LTBP3: variants seen among roughly 807,000 people sequenced by gnomAD.
The protein encoded by LTBP3 is latent-transforming growth factor beta-binding protein 3.
Under a neutral mutation model 159.7 loss-of-function variants are expected in LTBP3, and 97 were observed. The ratio of observed to expected loss-of-function variants is 0.61; its 90% CI spans 0.52 to 0.72. LTBP3 has a LOEUF of 0.72. LTBP3 is among the 30% of genes least tolerant of loss of function. The pLI is 0.00. For missense variants in LTBP3, 1,584 were observed against 1,864.3 expected (o/e 0.85, Z 2.77); for synonymous variants, 824 against 777.1 (o/e 1.06, Z -1.00).
In LTBP3 at chr11:65,552,006, C is replaced by G; in HGVS notation, c.1497G>C (p.Gln499His). Residue 499 changes from glutamine (Q) to histidine (H), a missense_variant, in exon 8 of 28, where the codon CAG becomes CAC. Physicochemically the swap from Gln to His is conservative, Grantham distance 24 (BLOSUM62 0). Transcript: ENST00000301873. The surrounding 1 kb of genome is among the most constrained non-coding windows in gnomAD (Gnocchi z 6.0). ...CCTCTGTGTCCTCAGGTGGTGGAGCCTGGCTAGGGCTCTCCGGAAGCTGCT... is the reference window on the plus strand; with the variant it reads ...CCTCTGTGTCCTCAGGTGGTGGAGCGTGGCTAGGGCTCTCCGGAAGCTGCT... Reference protein sequence around the residue: ...KPQQLPESPSQAPPPEDTEEE... With the variant: ...KPQQLPESPSHAPPPEDTEEE... 6.2e-7 allele frequency: 1 copy of G among 1,614,012 alleles called. No homozygotes were observed. The highest frequency in any genetic ancestry group is 1.1e-5 in the South Asian group (1 of 91,082).
chr11:65,548,401 C>T (rs1590775755), intron 11 of LTBP3: 1 of 540,732 alleles, frequency 1.8e-6, no homozygotes, highest in East Asian at 3.2e-5. Flanking sequence ...ACTCCTTTCT[C>T]CCCAGTCGCC....
Position 65,553,968 on chromosome 11 carries a change from C to T in LTBP3, c.662-65G>A. On this transcript the variant is annotated intron_variant, in intron 2 of 27. Coordinates refer to ENST00000301873, the MANE Select transcript of LTBP3 (RefSeq NM_001130144.3). This position sits in a 1 kb window ranked among gnomAD's most constrained non-coding sequence, Gnocchi z 6.5. ...CGCCGCGGGTCACCGCGCTGAGCTC[C>T]TCCAGGGCTGAACCTGCCCTGCCCT... The T allele has an allele frequency of 1.9e-6, 3 of 1,562,792 alleles. No individual in the cohort carries two copies. Among genetic ancestry groups the T allele is most frequent in the South Asian group, 1.1e-5 (1 of 88,540 alleles).
rs1266900411 is a variant in LTBP3 at position 65,553,063 on chromosome 11, C to A, written c.1064-81G>T. The A allele has an allele frequency of 1.2e-6, 2 of 1,604,154 alleles. No individual in the cohort carries two copies. Among genetic ancestry groups the A allele is most frequent in the African/African-American group, 1.3e-5 (1 of 74,690 alleles). On this transcript the variant is annotated intron_variant, in intron 5 of 27. Transcript: ENST00000301873. The surrounding 1 kb of genome is among the most constrained non-coding windows in gnomAD (Gnocchi z 6.5). ...CTGCTCCAAGAACCTCAGGGTCTTG[C>A]CCCAGCCCCACCTCCTCTCTCGCCC...
chr11:65,551,270 C>T, intron 10 of LTBP3, 46 bp from the exon 11 acceptor site: 2 of 1,523,658 alleles, frequency 1.3e-6, no homozygotes, highest in Non-Finnish European at 1.8e-6. Flanking sequence ...TTGACTGAAG[C>T]CTCCCTTTCC....
intron 11 of LTBP3, among the ~76,000 whole-genome samples, chr11:65,550,073 C>G (rs868710425): frequency 6.6e-6 from 1 of 152,032 alleles, no homozygotes; most frequent in Non-Finnish European, 1.5e-5. Flanking sequence ...GGCAACAAGC[C>G]GATCAATAAG....
chr11:65,558,085 A>C lies in LTBP3; in HGVS notation c.-126T>G, dbSNP rs536969884. Reference sequence around the variant, plus strand: ...GGGCAGCGAGGGAGGGCAGCGGGGGAAGCGGGCGGGAGGGGACCGCGGGGG... The same window carrying C: ...GGGCAGCGAGGGAGGGCAGCGGGGGCAGCGGGCGGGAGGGGACCGCGGGGG... On this transcript the variant is annotated 5_prime_UTR_variant, in exon 1 of 28. Coordinates refer to ENST00000301873, the MANE Select transcript of LTBP3 (RefSeq NM_001130144.3). 49 of 1,068,070 alleles carry C rather than the reference A, an allele frequency of 4.6e-5. No individual in the cohort carries two copies. The East Asian group carries it at 2.2e-3, about 48-fold the overall frequency. 66.2% of individuals were successfully genotyped at this position (1,068,070 alleles called of 1,614,324 possible). A position where few individuals can be genotyped will look rare whatever the true frequency, so the allele number is the denominator to read the frequency against.
At position 65,540,632 on chromosome 11, in the gene LTBP3, C is replaced by G. The variant is rs773382024; in HGVS notation, c.2978-18G>C. 6.3e-7 allele frequency: 1 copy of G among 1,590,644 alleles called. No homozygotes were observed. The highest frequency in any genetic ancestry group is 1.7e-5 in the Admixed American group (1 of 58,864). ...GTCGATGTCTGCGGGGTGACAAACACTGGCCGCTCCGGTCCCGCAGCTGCA... is the reference window on the plus strand; with the variant it reads ...GTCGATGTCTGCGGGGTGACAAACAGTGGCCGCTCCGGTCCCGCAGCTGCA... On this transcript the variant is annotated intron_variant, in intron 21 of 27. Transcript: ENST00000301873.
Position 65,543,184 on chromosome 11 carries a change from A to G in LTBP3, c.2517T>C (p.Gly839=), listed in dbSNP as rs774525843. ...AGGAGCCATTGGTATTGATGCAGTC[A>G]CCCCCAATGCAGGCTGCAGGGAAGT... The part of the protein sequence containing the change: ...ECDFPAACIG[G]DCINTNGSYR... The change falls in exon 18 of 28, where the codon GGT becomes GGC. Residue 839 remains glycine, a synonymous_variant. Transcript: ENST00000301873. 6.2e-7 allele frequency: 1 copy of G among 1,613,898 alleles called. No homozygotes were observed. Among genetic ancestry groups the G allele is most frequent in the East Asian group, 2.2e-5 (1 of 44,894 alleles).
chr11:65,542,925 G>A, intron 18 of LTBP3, 180 bp downstream of exon 18: 1 of 863,298 alleles, frequency 1.2e-6, no homozygotes, highest in South Asian at 1.5e-5. Context: ...AGGATGGATG[G>A]ATAGAAGGAT....
chr11:65,551,597 T>C, intron 8 of LTBP3, 33 bp from the exon 9 acceptor site: 1 of 1,613,602 alleles, frequency 6.2e-7, no homozygotes, highest in Non-Finnish European at 8.5e-7. Context: ...CATGAAGTGT[T>C]GGGGCGGGAG....
At position 65,546,764 on chromosome 11, in the gene LTBP3, G is replaced by A. The variant is rs1435392433; in HGVS notation, c.2230+34C>T. 6.3e-7 allele frequency: 1 copy of A among 1,585,056 alleles called. No individual in the cohort carries two copies. The highest frequency in any genetic ancestry group is 1.7e-5 in the Admixed American group (1 of 59,434). Reference sequence around the variant, plus strand: ...GCCAGACTGGGGGAGGCACCTGACGGCCCCACCCACTCGGCTCCGGGCCCC... The same window carrying A: ...GCCAGACTGGGGGAGGCACCTGACGACCCCACCCACTCGGCTCCGGGCCCC... On this transcript the variant is annotated intron_variant, in intron 15 of 27. Coordinates refer to ENST00000301873, the MANE Select transcript of LTBP3 (RefSeq NM_001130144.3). The surrounding 1 kb of genome is among the most constrained non-coding windows in gnomAD (Gnocchi z 4.0).
Position 65,547,634 on chromosome 11 carries a change from C to A in LTBP3, c.1978+56G>T. On this transcript the variant is annotated intron_variant, in intron 13 of 27. Coordinates refer to ENST00000301873, the MANE Select transcript of LTBP3 (RefSeq NM_001130144.3). The surrounding 1 kb of genome is among the most constrained non-coding windows in gnomAD (Gnocchi z 4.6). The stretch of plus-strand genomic sequence containing the variant: ...GCGGGCAAGGGGAGGGATTACACGG[C>A]GGTCTGGAGGAGAGCCCGTCCCACC... 3 of 1,608,710 alleles carry A rather than the reference C, an allele frequency of 1.9e-6. No individual in the cohort carries two copies. Among genetic ancestry groups the A allele is most frequent in the Non-Finnish European group, 1.7e-6 (2 of 1,178,360 alleles).
Position 65,553,658 on chromosome 11 carries a change from C to T in LTBP3, c.864+43G>A. On this transcript the variant is annotated intron_variant, in intron 3 of 27. Coordinates refer to ENST00000301873, the MANE Select transcript of LTBP3 (RefSeq NM_001130144.3). This position sits in a 1 kb window ranked among gnomAD's most constrained non-coding sequence, Gnocchi z 6.5. ...TCCGAGTGAGTTGGGGCAGAGCAAC[C>T]CTGAGAGAAGGAAAGGCAGATCCCG... 6.5e-6 allele frequency: 10 copies of T among 1,548,346 alleles called. No homozygotes were observed. Among genetic ancestry groups the T allele is most frequent in the Non-Finnish European group, 8.7e-6 (10 of 1,150,434 alleles).
At position 65,542,968 on chromosome 11, in the gene LTBP3, G is replaced by A. The variant is rs1783211; in HGVS notation, c.2596+137C>T. 5 of 1,098,058 alleles carry A rather than the reference G, an allele frequency of 4.6e-6. No individual in the cohort carries two copies. In the African/African-American group the frequency reaches 1.1e-4, roughly 23 times the overall value. 68.0% of individuals were successfully genotyped at this position (1,098,058 alleles called of 1,614,324 possible). On this transcript the variant is annotated intron_variant, in intron 18 of 27. Transcript: ENST00000301873. ...TGGATGGATGGATGGATGGATGGAT[G>A]GATGGATAGATGGATGGATGGATGG...
Position 65,542,972 on chromosome 11 carries a change from GGATA to G in LTBP3, c.2596+129_2596+132del, listed in dbSNP as rs1256061317. On this transcript the variant is annotated intron_variant, in intron 18 of 27. Transcript: ENST00000301873. Reference sequence around the variant, plus strand: ...TGGATGGATGGATGGATGGATGGATGGATAGATGGATGGATGGATGGATGAAGGA... The same window carrying G: ...TGGATGGATGGATGGATGGATGGATGGATGGATGGATGGATGGATGAAGGA... The G allele has an allele frequency of 4.2e-4, 459 of 1,088,804 alleles. 2 individuals carry two copies. Among genetic ancestry groups the G allele is most frequent in the East Asian group, 4.1e-3 (162 of 39,350 alleles). 67.4% of individuals were successfully genotyped at this position (1,088,804 alleles called of 1,614,324 possible).
Position 65,543,150 on chromosome 11 carries a change from G to A in LTBP3, c.2551C>T (p.Leu851Phe), listed in dbSNP as rs1253551881. 8 of 1,614,162 alleles carry A rather than the reference G, an allele frequency of 5.0e-6. No individual in the cohort carries two copies. The South Asian group carries it at 8.8e-5, about 18-fold the overall frequency. Residue 851 changes from leucine (L) to phenylalanine (F), a missense_variant, in exon 18 of 28, where the codon CTT (leucine) becomes TTT (phenylalanine). By Grantham distance (22) the Leu-to-Phe change is conservative. Around this residue, in one of 6 missense-constraint regions of LTBP3, gnomAD observed 565 missense variants for 677.7 expected, o/e 0.83. Transcript: ENST00000301873. Reference protein sequence around the residue: ...CINTNGSYRCLCPQGHRLVGG... With the variant: ...CINTNGSYRCFCPQGHRLVGG... Reference sequence around the variant, plus strand: ...ACCAGCCGATGCCCCTGGGGGCAAAGACATCTGTAGGAGCCATTGGTATTG... The same window carrying A: ...ACCAGCCGATGCCCCTGGGGGCAAAAACATCTGTAGGAGCCATTGGTATTG...
At chr11:65,540,740 G>GGGGCCTACAGGT in intron 21 of LTBP3, 126 bp from the exon 22 acceptor site, 1 of 1,508,948 alleles carries the variant, frequency 6.6e-7, no homozygotes, top group Non-Finnish European at 9.1e-7. Context: ...CCTACAGGGC[G>GGGGCCTACAGGT]GGGCCTGCGA....
intron 11 of LTBP3, 67 bp from the exon 12 acceptor site, chr11:65,548,112 G>T: frequency 6.2e-7 from 1 of 1,609,250 alleles, no homozygotes. Flanking sequence ...CCCCAGGGCA[G>T]ACCTCAACAC....
In LTBP3 at chr11:65,558,012, C is replaced by T; in HGVS notation, c.-53G>A. 9.1e-7 allele frequency: 1 copy of T among 1,096,238 alleles called. No individual in the cohort carries two copies. Among genetic ancestry groups the T allele is most frequent in the Non-Finnish European group, 1.1e-6 (1 of 901,464 alleles). 67.9% of individuals were successfully genotyped at this position (1,096,238 alleles called of 1,614,324 possible). On this transcript the variant is annotated 5_prime_UTR_variant, in exon 1 of 28. Transcript: ENST00000301873. The stretch of plus-strand genomic sequence containing the variant: ...GGGCGCGCCCGGGCGGGGCGAGGGG[C>T]CCGCGCCCGAAGGGAGTAGAGGGCC...
Sources: gnomAD v4.1 joint callset for allele counts (sites outside exome capture counted in the v4.1 genomes callset) on GRCh38, gnomAD v4.1.1 for gene constraint, gnomAD v4.1.1 regional missense constraint, Gnocchi (gnomAD v3.1) non-coding constraint, MANE v1.5 for transcripts, NCBI Gene and HGNC (gene_info 2026-07-23, HGNC 2026-07-21) for gene names.